PCDH11X: variants seen among roughly 807,000 people sequenced by gnomAD.
PCDH11X encodes protocadherin 11 X-linked.
Under a neutral mutation model 53.3 loss-of-function variants are expected in PCDH11X, and 18 were observed. The ratio of observed to expected loss-of-function variants is 0.34; its 90% CI spans 0.23 to 0.50. PCDH11X has a LOEUF of 0.50. PCDH11X is among the 20% of genes least tolerant of loss of function. The pLI is 0.98. For missense variants in PCDH11X, 570 were observed against 1,032.4 expected (o/e 0.55, Z 6.14); for synonymous variants, 279 against 393.3 (o/e 0.71, Z 3.44).
chrX:91,970,494 A>G (rs1249818002), intron 6 of PCDH11X, among the ~76,000 whole-genome samples: 3 of 111,439 alleles, frequency 2.7e-5, no homozygotes, highest in Admixed American at 9.6e-5. Flanking sequence ...TGGTGCGTGT[A>G]CAAACCTTTA....
At chrX:91,934,660 A>T (rs1215507404) in intron 6 of PCDH11X, among the ~76,000 whole-genome samples, 29 of 102,802 alleles carry the variant, frequency 2.8e-4, no homozygotes, top group Non-Finnish European at 5.6e-4. Flanking sequence ...TCAATATATG[A>T]TTTTAAAATT....
chrX:91,917,453 A>T (rs1414216592), intron 6 of PCDH11X, among the ~76,000 whole-genome samples: 12 of 93,610 alleles, frequency 1.3e-4, no homozygotes, highest in Non-Finnish European at 2.1e-4. Context: ...TTATAAACGA[A>T]TTCAGTAAAG....
chrX:92,111,905 C>A (rs1381638327), intron 6 of PCDH11X, among the ~76,000 whole-genome samples: 2 of 109,461 alleles, frequency 1.8e-5, no homozygotes, highest in African/African-American at 6.7e-5. Flanking sequence ...TACAGGCGCC[C>A]GCCACCTCGC....
At chrX:91,840,746 T>G (rs1424583237) in intron 5 of PCDH11X, among the ~76,000 whole-genome samples, 2 of 109,487 alleles carry the variant, frequency 1.8e-5, no homozygotes. Context: ...TAATATTTTT[T>G]AACATTATGT....
intron 5 of PCDH11X, among the ~76,000 whole-genome samples, chrX:91,847,095 T>C (rs1481190863): frequency 1.8e-5 from 2 of 110,987 alleles, no homozygotes; most frequent in East Asian, 5.7e-4. Context: ...CAGTGTACAG[T>C]GTACAAAGAT....
chrX:92,270,769 C>T (rs1168055515), intron 8 of PCDH11X, among the ~76,000 whole-genome samples: 6 of 112,083 alleles, frequency 5.4e-5, no homozygotes, highest in Admixed American at 9.4e-5. Flanking sequence ...ATAAGGTGAA[C>T]ATGGAGTAGC....
At chrX:92,065,957 T>C (rs1217238692) in intron 6 of PCDH11X, among the ~76,000 whole-genome samples, 1 of 112,055 alleles carries the variant, frequency 8.9e-6, no homozygotes, top group African/African-American at 3.2e-5. Context: ...AGAGAGTTTC[T>C]CCAAAGTTTT....
Position 91,780,454 on chromosome X carries a change from A to T in PCDH11X, c.-379+770A>T, listed in dbSNP as rs961714905. Among the ~76,000 whole-genome samples, 20 of 112,197 alleles carry T rather than the reference A, an allele frequency of 1.8e-4. No homozygotes were observed. The South Asian group carries it at 1.8e-3, about 10-fold the overall frequency. ...GAAAAACGGCATCATTTTCTCATTT[A>T]AAAAAAATGACTTTTCTAAGAGTAT... On this transcript the variant is annotated intron_variant, in intron 1 of 10. Transcript: ENST00000682573.
intron 8 of PCDH11X, among the ~76,000 whole-genome samples, chrX:92,272,228 G>A (rs1342638811): frequency 1.8e-5 from 2 of 111,603 alleles, no homozygotes; most frequent in Non-Finnish European, 3.8e-5. Context: ...CAGATATTGA[G>A]CCATTTATGA....
intron 8 of PCDH11X, among the ~76,000 whole-genome samples, chrX:92,354,988 A>G (rs1468444337): frequency 1.8e-5 from 2 of 109,988 alleles, no homozygotes; most frequent in Non-Finnish European, 3.8e-5. Context: ...GTTGAAATAA[A>G]TAGTCCCCAT....
At chrX:92,107,077 A>G (rs2064400401) in intron 6 of PCDH11X, among the ~76,000 whole-genome samples, 1 of 111,737 alleles carries the variant, frequency 8.9e-6, no homozygotes, top group Admixed American at 9.5e-5. Flanking sequence ...CTTTCAGCCA[A>G]TTGCCAGTCA....
chrX:92,344,578 T>C (rs1249968997), intron 8 of PCDH11X, among the ~76,000 whole-genome samples: 2 of 104,569 alleles, frequency 1.9e-5, no homozygotes, highest in Non-Finnish European at 3.9e-5. Context: ...TCCATAGTTG[T>C]ACTATAGAAT....
chrX:91,813,057 C>G (rs1231216570), intron 4 of PCDH11X, among the ~76,000 whole-genome samples: 3 of 111,015 alleles, frequency 2.7e-5, no homozygotes, highest in Non-Finnish European at 3.8e-5. Context: ...AGGGGAGATA[C>G]AAAAAATTAA....
intron 6 of PCDH11X, chrX:91,983,360 G>A: frequency 1.6e-5 from 18 of 1,116,937 alleles, no homozygotes; most frequent in South Asian, 7.3e-5. Context: ...GGTGGTCTCA[G>A]TATTGGCTGA....
intron 8 of PCDH11X, among the ~76,000 whole-genome samples, chrX:92,264,066 G>A (rs747997254): frequency 2.4e-4 from 27 of 111,910 alleles, no homozygotes; most frequent in Non-Finnish European, 4.3e-4. Flanking sequence ...TAATCTTAAA[G>A]ATGAATTATC....
At chrX:92,437,390 A>G (rs1007639934) in intron 9 of PCDH11X, among the ~76,000 whole-genome samples, 14 of 111,850 alleles carry the variant, frequency 1.3e-4, no homozygotes, top group Admixed American at 6.7e-4. Flanking sequence ...CTCTACTAAG[A>G]TAAGCAAGAT....
chrX:92,347,856 A>G (rs1349845899), intron 8 of PCDH11X, among the ~76,000 whole-genome samples: 1 of 111,756 alleles, frequency 8.9e-6, no homozygotes, highest in Non-Finnish European at 1.9e-5. Flanking sequence ...AATTTTTCTT[A>G]TTTTCTCCAA....
At chrX:91,859,746 C>G (rs1226679119) in intron 5 of PCDH11X, among the ~76,000 whole-genome samples, 1 of 88,164 alleles carries the variant, frequency 1.1e-5, no homozygotes, top group African/African-American at 4.6e-5. Flanking sequence ...TTTTTTTTTT[C>G]AGGTTTGTCA....
At chrX:92,265,123 T>C (rs1270249049) in intron 8 of PCDH11X, among the ~76,000 whole-genome samples, 1 of 109,284 alleles carries the variant, frequency 9.2e-6, no homozygotes, top group Non-Finnish European at 1.9e-5. Context: ...TGGAGTGCAA[T>C]GGCACGATGG....
Sources: allele counts gnomAD v4.1 joint callset (sites outside exome capture counted in the v4.1 genomes callset), GRCh38; gene constraint gnomAD v4.1.1; transcripts MANE v1.5; gene names NCBI Gene and HGNC (gene_info 2026-07-23, HGNC 2026-07-21).